Variants in CCSER1 observed in about 807,000 individuals in gnomAD.
CCSER1 encodes the protein coiled-coil serine rich protein 1.
Under a neutral mutation model 82.0 loss-of-function variants are expected in CCSER1, and 41 were observed. That is an observed-to-expected ratio of 0.50 (90% CI 0.39 to 0.65). CCSER1 has a LOEUF of 0.65. Among genes scored for constraint, CCSER1 ranks in the 30% least tolerant of loss-of-function variants. The probability of loss-of-function intolerance (pLI) is 0.00; values close to 1 mark genes in which losing one functional copy is unlikely to be tolerated. For missense variants in CCSER1, 1,119 were observed against 1,064.2 expected, an observed-to-expected ratio of 1.05 and a Z score of -0.72; for synonymous variants, 414 against 383.9, an observed-to-expected ratio of 1.08 and a Z score of -0.92.
Position 91,438,813 on chromosome 4 carries a change from C to T in CCSER1, c.2218-159759C>T, listed in dbSNP as rs189304073. 4.1e-4 allele frequency among the ~76,000 whole-genome samples: 63 copies of T among 152,266 alleles called. 1 individual carries two copies. The East Asian group carries it at 0.011, about 27-fold the overall frequency. Reference sequence around the variant, plus strand: ...GAGCTGATGGAGCTGAACACCAAGGCTCGAGAACTACGTGAAGAATGCAGA... The same window carrying T: ...GAGCTGATGGAGCTGAACACCAAGGTTCGAGAACTACGTGAAGAATGCAGA... On this transcript the variant is annotated intron_variant, in intron 10 of 10. Coordinates refer to ENST00000509176, the MANE Select transcript of CCSER1 (RefSeq NM_001145065.2).
Position 90,307,062 on chromosome 4 carries a change from A to T in CCSER1, c.-41-1182A>T, listed in dbSNP as rs146664987. On this transcript the variant is annotated intron_variant, in intron 1 of 10. Coordinates refer to ENST00000509176, the MANE Select transcript of CCSER1 (RefSeq NM_001145065.2). ...TAGGGTTTTTTATTCCTGCTTTACCAGGTGTTGGCTGAATGACATTATGCA... is the reference window on the plus strand; with the variant it reads ...TAGGGTTTTTTATTCCTGCTTTACCTGGTGTTGGCTGAATGACATTATGCA... Among the ~76,000 whole-genome samples, 3 of 152,252 alleles carry T rather than the reference A, an allele frequency of 2.0e-5. No homozygotes were observed. The East Asian group carries it at 5.8e-4, about 29-fold the overall frequency.
At chr4:90,404,432 C>G (rs1473144529) in intron 4 of CCSER1, among the ~76,000 whole-genome samples, 1 of 152,062 alleles carries the variant, frequency 6.6e-6, no homozygotes, top group African/African-American at 2.4e-5. Flanking sequence ...GTTCTATGGC[C>G]CTTCCCACGG....
intron 4 of CCSER1, among the ~76,000 whole-genome samples, chr4:90,439,628 A>T (rs990736529): frequency 1.3e-5 from 2 of 152,308 alleles, no homozygotes; most frequent in African/African-American, 2.4e-5. Flanking sequence ...AAAGACATTT[A>T]CTGAAAAAAG....
At chr4:90,322,411 G>A (rs72881604) in intron 3 of CCSER1, among the ~76,000 whole-genome samples, 46,214 of 152,028 alleles carry the variant, frequency 0.3, 7,180 homozygotes, top group East Asian at 0.44. Flanking sequence ...GTCAGATAAT[G>A]TGATTCCTCC....
At chr4:90,977,936 A>G (rs1300480811) in intron 9 of CCSER1, among the ~76,000 whole-genome samples, 1 of 151,672 alleles carries the variant, frequency 6.6e-6, no homozygotes, top group Admixed American at 6.6e-5. Flanking sequence ...CCTATGTGCT[A>G]TGATGTATGC....
intron 1 of CCSER1, among the ~76,000 whole-genome samples, chr4:90,171,487 C>T (rs1364861023): frequency 6.6e-6 from 1 of 151,844 alleles, no homozygotes; most frequent in Non-Finnish European, 1.5e-5. Flanking sequence ...TAATCACACC[C>T]TGATTAATTT....
At position 90,798,187 on chromosome 4, in the gene CCSER1, TC is replaced by T. The variant is rs1356204631; in HGVS notation, c.2011-17574del. Among the ~76,000 whole-genome samples the T allele has an allele frequency of 2.0e-5, 3 of 152,262 alleles. No homozygotes were observed. The East Asian group carries it at 5.8e-4, about 29-fold the overall frequency. On this transcript the variant is annotated intron_variant, in intron 7 of 10. Coordinates refer to ENST00000509176, the MANE Select transcript of CCSER1 (RefSeq NM_001145065.2). ...TTGTTTGCTCATTTTCATTCTTTTT[TC>T]TCTATATTTGTCTGACTGCCTTATT...
intron 10 of CCSER1, among the ~76,000 whole-genome samples, chr4:91,507,160 T>A (rs541142832): frequency 6.6e-6 from 1 of 152,296 alleles, no homozygotes; most frequent in South Asian, 2.1e-4. Flanking sequence ...TAGAAATCCA[T>A]GATCACATGG....
intron 8 of CCSER1, among the ~76,000 whole-genome samples, chr4:90,863,925 C>A (rs767813742): frequency 1.3e-5 from 2 of 150,670 alleles, no homozygotes; most frequent in South Asian, 4.2e-4. Context: ...TTTTTTTCTA[C>A]TTTATTCAAT....
intron 10 of CCSER1, among the ~76,000 whole-genome samples, chr4:91,401,086 G>A (rs1476952386): frequency 1.3e-5 from 2 of 151,888 alleles, no homozygotes; most frequent in East Asian, 1.9e-4. Context: ...GTAATACTTA[G>A]TGATTACTAT....
intron 1 of CCSER1, among the ~76,000 whole-genome samples, chr4:90,131,455 G>A (rs760231006): frequency 2.6e-5 from 4 of 152,026 alleles, no homozygotes; most frequent in Non-Finnish European, 4.4e-5. Context: ...AGGTGTTTTC[G>A]GTATTTCCCT....
chr4:91,307,928 C>T (rs114209477), intron 10 of CCSER1, among the ~76,000 whole-genome samples: 2,680 of 151,548 alleles, frequency 0.018, 65 homozygotes, highest in African/African-American at 0.062. Context: ...CATTAGAGTA[C>T]ACTGTAATCT....
chr4:90,761,459 G>A lies in CCSER1; in HGVS notation c.2010+37468G>A, dbSNP rs76412193. On this transcript the variant is annotated intron_variant, in intron 7 of 10. Transcript: ENST00000509176. ...AAGTTTTGTGACTAGATGAAGTATT[G>A]TTCAGTAAATAAAATACAGGTTTGC... Among the ~76,000 whole-genome samples, 72 of 152,186 alleles carry A rather than the reference G, an allele frequency of 4.7e-4. 1 individual carries two copies. The East Asian group carries it at 0.011, about 24-fold the overall frequency.
chr4:90,696,850 T>A (rs572160524), intron 6 of CCSER1, among the ~76,000 whole-genome samples: 1 of 152,248 alleles, frequency 6.6e-6, no homozygotes, highest in East Asian at 1.9e-4. Flanking sequence ...GGAGCTGATA[T>A]TTGAAATCAA....
chr4:90,688,731 C>T (rs1735269984), intron 6 of CCSER1, among the ~76,000 whole-genome samples: 2 of 152,090 alleles, frequency 1.3e-5, no homozygotes, highest in African/African-American at 4.8e-5. Flanking sequence ...ATAATAAACA[C>T]ACTTAACTGA....
At chr4:90,168,907 C>T (rs1317815733) in intron 1 of CCSER1, among the ~76,000 whole-genome samples, 8 of 151,018 alleles carry the variant, frequency 5.3e-5, no homozygotes, top group Admixed American at 6.6e-5. Flanking sequence ...AGTCAGGTAG[C>T]GTGATGCCTC....
At chr4:91,155,034 T>TAA (rs35463054) in intron 10 of CCSER1, among the ~76,000 whole-genome samples, 42,308 of 149,332 alleles carry the variant, frequency 0.28, 6,890 homozygotes, top group East Asian at 0.44. Context: ...TTTCTGGCCT[T>TAA]AAAAAAAAAA....
At chr4:90,340,703 GT>G (rs1439311704) in intron 3 of CCSER1, among the ~76,000 whole-genome samples, 5 of 151,974 alleles carry the variant, frequency 3.3e-5, no homozygotes, top group Admixed American at 6.6e-5. Context: ...AATTTAATAG[GT>G]TTCCCCCTTT....
At chr4:91,059,256 G>GT (rs11288453) in intron 9 of CCSER1, among the ~76,000 whole-genome samples, 42 of 119,454 alleles carry the variant, frequency 3.5e-4, no homozygotes, top group Middle Eastern at 4.5e-3. Context: ...ATATAATAAA[G>GT]TTTTTTTTTT....
Sources: gnomAD v4.1 joint callset for allele counts (sites outside exome capture counted in the v4.1 genomes callset) on GRCh38, gnomAD v4.1.1 for gene constraint, MANE v1.5 for transcripts, NCBI Gene and HGNC (gene_info 2026-07-23, HGNC 2026-07-21) for gene names.